TMEM178A: variants seen among roughly 807,000 people sequenced by gnomAD.
The protein encoded by TMEM178A is transmembrane protein 178A, also known as transmembrane protein 178.
In TMEM178A, 12 loss-of-function variants were observed where a neutral mutation model predicts 29.1. The ratio of observed to expected loss-of-function variants is 0.41; its 90% CI spans 0.26 to 0.67. The LOEUF (loss-of-function observed/expected upper bound fraction) is 0.67. Among genes scored for constraint, TMEM178A ranks in the 30% least tolerant of loss-of-function variants. TMEM178A has a pLI of 0.29. For synonymous variants in TMEM178A, 210 were observed against 187.2 expected, an observed-to-expected ratio of 1.12 and a Z score of -0.99; for missense variants, 366 against 419.1, an observed-to-expected ratio of 0.87 and a Z score of 1.11.
chr2:39,704,059 C>T (rs955120780), intron 1 of TMEM178A, 22 bp from the exon 2 acceptor site: 15 of 1,602,592 alleles, frequency 9.4e-6, no homozygotes, highest in African/African-American at 2.7e-5. Context: ...ACTCGTAAAT[C>T]GCGTTTCTTA....
intron 3 of TMEM178A, among the ~76,000 whole-genome samples, chr2:39,712,869 C>G (rs1012421100): frequency 2.0e-5 from 3 of 152,204 alleles, no homozygotes; most frequent in Non-Finnish European, 4.4e-5. Context: ...ACTCCTTTCG[C>G]ATACCTTGCA....
At chr2:39,715,362 A>C (rs1261081752) in intron 3 of TMEM178A, among the ~76,000 whole-genome samples, 3 of 152,222 alleles carry the variant, frequency 2.0e-5, no homozygotes, top group Non-Finnish European at 4.4e-5. Context: ...CATTTATTAA[A>C]AGGGCTTTGT....
chr2:39,717,328 A>C lies in TMEM178A; in HGVS notation c.*77A>C, dbSNP rs1320058390. On this transcript the variant is annotated 3_prime_UTR_variant, in exon 4 of 4. Transcript: ENST00000281961. ...GCGGAGTTCAGGAGTCCAAGCACAA[A>C]GCGGTCTTTTACATTCCAACCTGTT... 12 of 1,528,822 alleles carry C rather than the reference A, an allele frequency of 7.8e-6. 1 individual carries two copies. The South Asian group carries it at 1.3e-4, about 17-fold the overall frequency. 94.7% of individuals were successfully genotyped at this position (1,528,822 alleles called of 1,614,324 possible). A position where few individuals can be genotyped will look rare whatever the true frequency, so the allele number is the denominator to read the frequency against.
At chr2:39,693,406 A>G (rs999448746) in intron 1 of TMEM178A, among the ~76,000 whole-genome samples, 1 of 152,208 alleles carries the variant, frequency 6.6e-6, no homozygotes, top group African/African-American at 2.4e-5. Flanking sequence ...TGGAAAGGAA[A>G]ATCTCACAGT....
chr2:39,689,793 C>G (rs1171116972), intron 1 of TMEM178A, among the ~76,000 whole-genome samples: 2 of 152,096 alleles, frequency 1.3e-5, no homozygotes, highest in Non-Finnish European at 1.5e-5. Context: ...GACAATTATC[C>G]ATGTTAAGAA....
chr2:39,672,420 G>T (rs1221403952), intron 1 of TMEM178A, among the ~76,000 whole-genome samples: 1 of 152,200 alleles, frequency 6.6e-6, no homozygotes, highest in African/African-American at 2.4e-5. Context: ...TACCCGAGTT[G>T]CTGTGCTTTT....
chr2:39,678,023 G>C (rs903378055), intron 1 of TMEM178A, among the ~76,000 whole-genome samples: 1 of 151,954 alleles, frequency 6.6e-6, no homozygotes, highest in African/African-American at 2.4e-5. Flanking sequence ...AGCCCAAGAA[G>C]GAAGGCAGGA....
chr2:39,712,925 C>G (rs1406751654), intron 3 of TMEM178A, among the ~76,000 whole-genome samples: 1 of 152,230 alleles, frequency 6.6e-6, no homozygotes, highest in Non-Finnish European at 1.5e-5. Context: ...TCAGAAATAA[C>G]TTGCTACATA....
the TMEM178A span, among the ~76,000 whole-genome samples, chr2:39,732,177 T>G: frequency 6.6e-6 from 1 of 152,226 alleles, no homozygotes; most frequent in African/African-American, 2.4e-5. Context: ...GAGGAGAACT[T>G]CCCCACTTTC....
chr2:39,669,081 G>A (rs571097125), intron 1 of TMEM178A, among the ~76,000 whole-genome samples: 1 of 152,168 alleles, frequency 6.6e-6, no homozygotes, highest in East Asian at 1.9e-4. Flanking sequence ...CCTTGTTTAT[G>A]AGTCTTAGCA....
intron 2 of TMEM178A, among the ~76,000 whole-genome samples, chr2:39,704,655 C>G (rs1481520472): frequency 6.6e-6 from 1 of 152,136 alleles, no homozygotes; most frequent in African/African-American, 2.4e-5. Flanking sequence ...CAGAGGGTGT[C>G]TACATCTCAA....
At chr2:39,691,614 A>T (rs1407658250) in intron 1 of TMEM178A, among the ~76,000 whole-genome samples, 2 of 152,136 alleles carry the variant, frequency 1.3e-5, no homozygotes, top group Non-Finnish European at 2.9e-5. Context: ...CTACCATATG[A>T]CCTGGCAATC....
At chr2:39,702,395 G>A (rs1035209837) in intron 1 of TMEM178A, among the ~76,000 whole-genome samples, 9 of 152,056 alleles carry the variant, frequency 5.9e-5, no homozygotes, top group African/African-American at 2.2e-4. Flanking sequence ...TGCATGTTGG[G>A]TATGCCTTCA....
intron 1 of TMEM178A, among the ~76,000 whole-genome samples, chr2:39,667,874 T>C (rs1365737991): frequency 1.3e-5 from 2 of 152,226 alleles, no homozygotes; most frequent in South Asian, 2.1e-4. Flanking sequence ...GATAGTAGCA[T>C]AGTACATGAA....
At chr2:39,692,540 G>A (rs1055090402) in intron 1 of TMEM178A, among the ~76,000 whole-genome samples, 12 of 152,074 alleles carry the variant, frequency 7.9e-5, no homozygotes, top group African/African-American at 2.9e-4. Context: ...TTGATAGTTG[G>A]CTACTTTTTT....
At chr2:39,668,363 C>G (rs1475729135) in intron 1 of TMEM178A, among the ~76,000 whole-genome samples, 2 of 152,178 alleles carry the variant, frequency 1.3e-5, no homozygotes, top group Non-Finnish European at 2.9e-5. Context: ...TGAAAACAAT[C>G]TCAGCTTTAT....
chr2:39,704,123 A>T lies in TMEM178A; in HGVS notation c.443A>T (p.Gln148Leu). The change falls in exon 2 of 4, where the codon CAG becomes CTG. Residue 148 changes from glutamine to leucine, a missense_variant. Coordinates refer to ENST00000281961, the MANE Select transcript of TMEM178A (RefSeq NM_152390.3). ...ACGGCCATCAAGTACCACTTTTCTC[A>T]GCCCATCCGCTTGCGAAACATTCCT... ...RCTAIKYHFS[Q>L]PIRLRNIPFN... The T allele has an allele frequency of 6.2e-7, 1 of 1,614,140 alleles. No individual in the cohort carries two copies. The highest frequency in any genetic ancestry group is 8.5e-7 in the Non-Finnish European group (1 of 1,180,014).
At chr2:39,703,963 A>G in intron 1 of TMEM178A, 118 bp from the exon 2 acceptor site, 1 of 700,348 alleles carries the variant, frequency 1.4e-6, no homozygotes. Flanking sequence ...CTCTGAATCA[A>G]GAGATTCTTA....
At chr2:39,724,679 A>G in the TMEM178A span, among the ~76,000 whole-genome samples, 1 of 152,134 alleles carries the variant, frequency 6.6e-6, no homozygotes, top group Non-Finnish European at 1.5e-5. Flanking sequence ...CCAAACCAAA[A>G]CAAACCTCAA....
Sources: gnomAD v4.1 joint callset for allele counts (sites outside exome capture counted in the v4.1 genomes callset) on GRCh38, gnomAD v4.1.1 for gene constraint, MANE v1.5 for transcripts, NCBI Gene and HGNC (gene_info 2026-07-23, HGNC 2026-07-21) for gene names.